GTF2F1: variants seen among roughly 807,000 people sequenced by gnomAD.
GTF2F1 encodes general transcription factor IIF subunit 1, also known as general transcription factor IIF 74 kDa subunit.
Under a neutral mutation model 63.5 loss-of-function variants are expected in GTF2F1, and 39 were observed. The ratio of observed to expected loss-of-function variants is 0.61; its 90% confidence interval spans 0.48 to 0.80. The LOEUF (loss-of-function observed/expected upper bound fraction) is 0.80. GTF2F1 is among the 30% of genes least tolerant of loss of function. The probability of loss-of-function intolerance (pLI) is 0.00; values close to 1 mark genes in which losing one functional copy is unlikely to be tolerated. For missense variants in GTF2F1, 657 were observed against 718.3 expected, an observed-to-expected ratio of 0.91 and a Z score of 0.97; for synonymous variants, 287 against 285.3, an observed-to-expected ratio of 1.01 and a Z score of -0.06.
At position 6,380,826 on chromosome 19, in the gene GTF2F1, C is replaced by T. The variant is rs2091944347; in HGVS notation, c.1231+78G>A. The T allele has an allele frequency of 6.6e-7, 1 of 1,504,722 alleles. No homozygotes were observed. The highest frequency in any genetic ancestry group is 8.9e-7 in the Non-Finnish European group (1 of 1,124,378). 93.2% of individuals were successfully genotyped at this position (1,504,722 alleles called of 1,614,324 possible). On this transcript the variant is annotated intron_variant, in intron 11 of 12. Transcript: ENST00000394456. The surrounding 1 kb of genome is among the most constrained non-coding windows in gnomAD (Gnocchi z 5.3). Reference sequence around the variant, plus strand: ...AGGCCTCCACCCGCATCTCCATCCCCTCTCTGTCCTGAGCCCCAACAGAGG... The same window carrying T: ...AGGCCTCCACCCGCATCTCCATCCCTTCTCTGTCCTGAGCCCCAACAGAGG...
intron 5 of GTF2F1, chr19:6,386,869 G>A (rs1168467215): frequency 6.4e-6 from 1 of 157,222 alleles, no homozygotes; most frequent in African/African-American, 2.4e-5. Context: ...AGCACCCTAG[G>A]GTGGTGGTGG....
chr19:6,385,604 G>A (rs956946618), intron 5 of GTF2F1, among the ~76,000 whole-genome samples: 26 of 152,096 alleles, frequency 1.7e-4, no homozygotes, highest in Non-Finnish European at 3.7e-4. Context: ...AACCAAAGTG[G>A]AGCAGGCAGG....
intron 3 of GTF2F1, chr19:6,390,509 T>C (rs1205412282): frequency 8.0e-6 from 1 of 124,564 alleles, no homozygotes; most frequent in East Asian, 2.4e-4. Flanking sequence ...ATCCTGGCGC[T>C]GCACTCCAGT....
intron 5 of GTF2F1, among the ~76,000 whole-genome samples, chr19:6,386,154 G>A (rs985038627): frequency 6.6e-6 from 1 of 152,014 alleles, no homozygotes; most frequent in Admixed American, 6.6e-5. Flanking sequence ...GGGAGGCTGA[G>A]GGGGGCAGAT....
intron 3 of GTF2F1, among the ~76,000 whole-genome samples, chr19:6,391,326 C>G (rs557783269): frequency 3.3e-5 from 5 of 152,118 alleles, no homozygotes; most frequent in African/African-American, 1.2e-4. Context: ...CAAAAATGTC[C>G]AACAGTGGGC....
intron 5 of GTF2F1, among the ~76,000 whole-genome samples, chr19:6,385,754 ACT>A (rs2091971746): frequency 6.6e-6 from 1 of 152,066 alleles, no homozygotes; most frequent in Admixed American, 6.6e-5. Flanking sequence ...CCAACCTATG[ACT>A]CTTCAGAAAT....
chr19:6,380,930 C>T lies in GTF2F1; in HGVS notation c.1205G>A (p.Arg402Gln), dbSNP rs370397042. ...AEGGSTSSTL[R>Q]AAASKLEQGK... ...TTGCTCGAGTTTGCTGGCAGCCGCC[C>T]GCAGGGTGGAGGAGGTGCTGCCACC... Residue 402 changes from arginine (R) to glutamine (Q), a missense_variant, in exon 11 of 13, where the codon CGG (arginine) becomes CAG (glutamine). This residue lies in a region of GTF2F1 where 602 missense variants were observed against 625.6 expected (regional missense o/e 0.96). Coordinates refer to ENST00000394456, the MANE Select transcript of GTF2F1 (RefSeq NM_002096.3). The surrounding 1 kb of genome is among the most constrained non-coding windows in gnomAD (Gnocchi z 5.3). 68 of 1,576,204 alleles carry T rather than the reference C, an allele frequency of 4.3e-5. 1 individual carries two copies. Among genetic ancestry groups the T allele is most frequent in the African/African-American group, 3.0e-4 (22 of 74,242 alleles).
Position 6,383,863 on chromosome 19 carries a change from C to T in GTF2F1, c.498-368G>A, listed in dbSNP as rs936540716. 1.3e-5 allele frequency among the ~76,000 whole-genome samples: 2 copies of T among 152,050 alleles called. No homozygotes were observed. The highest frequency in any genetic ancestry group is 4.1e-4 in the South Asian group (2 of 4,824). ...CCAGACTGGAGTGCAGTGATGTGAT[C>T]TCGGCTCACTGCAACCTCCGCCTCC... On this transcript the variant is annotated intron_variant, in intron 5 of 12. Transcript: ENST00000394456. The surrounding 1 kb of genome is among the most constrained non-coding windows in gnomAD (Gnocchi z 4.5).
chr19:6,384,907 C>T (rs562586170), intron 5 of GTF2F1, among the ~76,000 whole-genome samples: 5 of 151,880 alleles, frequency 3.3e-5, no homozygotes, highest in Non-Finnish European at 7.3e-5. Context: ...CCTCAGCCTC[C>T]CGAGTAGCTG....
rs2091953313 is a variant in GTF2F1 at position 6,381,796 on chromosome 19, T to C, written c.737A>G (p.Lys246Arg). The change falls in exon 7 of 13, where the codon AAA (lysine) becomes AGA (arginine). Residue 246 changes from lysine (K) to arginine (R), a missense_variant. Lys to Arg is a conservative substitution (Grantham distance 26). Coordinates refer to ENST00000394456, the MANE Select transcript of GTF2F1 (RefSeq NM_002096.3). This position sits in a 1 kb window ranked among gnomAD's most constrained non-coding sequence, Gnocchi z 4.1. ...KKAPLAKGGR[K>R]KKKKKGSDDE... ...GTCTGAACCCTTCTTCTTCTTCTTT[T>C]TCCTGCCGCCCTTGGCCAGCGGCGC... 2 of 1,613,994 alleles carry C rather than the reference T, an allele frequency of 1.2e-6. No homozygotes were observed. Among genetic ancestry groups the C allele is most frequent in the African/African-American group, 1.3e-5 (1 of 75,054 alleles).
chr19:6,387,424 C>T lies in GTF2F1; in HGVS notation c.462G>A (p.Thr154=), dbSNP rs564564949. ...YNFTPLARHR[T]LTAEEAEEEW... ...CCTCCTCGGCCTCCTCGGCAGTGAG[C>T]GTGCGATGCCGGGCCAGCGGTGTGA... is the stretch of plus-strand genomic sequence containing the variant. The change falls in exon 5 of 13, where the codon ACG becomes ACA. Residue 154 remains threonine, a synonymous_variant. Transcript: ENST00000394456. 3.7e-5 allele frequency: 59 copies of T among 1,614,234 alleles called. No individual in the cohort carries two copies. Among genetic ancestry groups the T allele is most frequent in the Middle Eastern group, 1.7e-4 (1 of 6,060 alleles).
rs11340944 is a variant in GTF2F1, at chr19:6,391,439, G to GTTTTT, written c.132+458_132+462dup. On this transcript the variant is annotated intron_variant, in intron 3 of 12. Transcript: ENST00000394456. The stretch of plus-strand genomic sequence containing the variant: ...CTAGGCCTGGGCCTTTGCCATTTCC[G>GTTTTT]TTTTTTTTTTTTTTTTTTTTTTTTT... Among the ~76,000 whole-genome samples the GTTTTT allele has an allele frequency of 3.4e-4, 30 of 87,438 alleles. 1 individual carries two copies. Among genetic ancestry groups the GTTTTT allele is most frequent in the African/African-American group, 7.9e-4 (24 of 30,390 alleles). 57.4% of individuals were successfully genotyped at this position (87,438 alleles called of 152,430 possible).
Position 6,389,439 on chromosome 19 carries a change from C to G in GTF2F1, c.326+5G>C. On this transcript the variant is annotated splice_donor_5th_base_variant and intron_variant, in intron 4 of 12. Transcript: ENST00000394456. ...AGCCGGCACCGCCACCGCCCCACCA[C>G]TTACTTCCTGCCTGATTTGCCGTTG... 7 of 1,612,842 alleles carry G rather than the reference C, an allele frequency of 4.3e-6. No homozygotes were observed. Among genetic ancestry groups the G allele is most frequent in the Non-Finnish European group, 5.9e-6 (7 of 1,178,988 alleles).
Position 6,380,763 on chromosome 19 carries a change from A to G in GTF2F1, c.1232-73T>C. 1.3e-6 allele frequency: 2 copies of G among 1,563,498 alleles called. No homozygotes were observed. Among genetic ancestry groups the G allele is most frequent in the Admixed American group, 3.4e-5 (2 of 59,274 alleles). ...CCCTGGGCAGGACCCCAGGCTGGGC[A>G]GTGCCAGGATTAGGGTTCAAGGGGA... On this transcript the variant is annotated intron_variant, in intron 11 of 12. Coordinates refer to ENST00000394456, the MANE Select transcript of GTF2F1 (RefSeq NM_002096.3). The surrounding 1 kb of genome is among the most constrained non-coding windows in gnomAD (Gnocchi z 5.3).
Position 6,389,405 on chromosome 19 carries a change from T to G in GTF2F1, c.326+39A>C, listed in dbSNP as rs1170942700. The G allele has an allele frequency of 6.3e-6, 10 of 1,591,618 alleles. No individual in the cohort carries two copies. The African/African-American group carries it at 1.3e-4, about 21-fold the overall frequency. ...TAAGTTGAGGCCTGGGGATGTGGAC[T>G]GGTCACTAAGCCGGCACCGCCACCG... On this transcript the variant is annotated intron_variant, in intron 4 of 12. Transcript: ENST00000394456.
chr19:6,385,261 G>T (rs1284263201), intron 5 of GTF2F1, among the ~76,000 whole-genome samples: 4 of 151,682 alleles, frequency 2.6e-5, no homozygotes, highest in Non-Finnish European at 5.9e-5. Flanking sequence ...CAGGTGGGGA[G>T]GTGCACGTGT....
At chr19:6,388,141 G>C (rs912374160) in intron 4 of GTF2F1, among the ~76,000 whole-genome samples, 1 of 135,444 alleles carries the variant, frequency 7.4e-6, no homozygotes, top group Non-Finnish European at 1.8e-5. Context: ...TGTTGGCCAG[G>C]CTAGTTTCGA....
chr19:6,391,439 GTTTTT>G (rs11340944), intron 3 of GTF2F1, among the ~76,000 whole-genome samples: 2 of 87,412 alleles, frequency 2.3e-5, no homozygotes, highest in African/African-American at 6.6e-5. Flanking sequence ...TGCCATTTCC[GTTTTT>G]TTTTTTTTTT....
chr19:6,392,222 T>G (rs1187265128), intron 2 of GTF2F1: 1 of 551,036 alleles, frequency 1.8e-6, no homozygotes, highest in Non-Finnish European at 3.5e-6. Context: ...TTCAGCCTGT[T>G]TTGCCTGGCA....
Sources: allele counts gnomAD v4.1 joint callset (sites outside exome capture counted in the v4.1 genomes callset), GRCh38; gene constraint gnomAD v4.1.1; regional missense constraint gnomAD v4.1.1; non-coding constraint Gnocchi (gnomAD v3.1); transcripts MANE v1.5; gene names NCBI Gene and HGNC (gene_info 2026-07-23, HGNC 2026-07-21).